Variants in ARL6IP6 observed in about 807,000 individuals in gnomAD.
ARL6IP6 encodes the protein ADP-ribosylation factor-like protein 6-interacting protein 6.
Under a neutral mutation model 21.5 loss-of-function variants are expected in ARL6IP6, and 22 were observed. That is an observed-to-expected ratio of 1.02 (90% CI 0.73 to 1.46). The LOEUF (loss-of-function observed/expected upper bound fraction) is 1.46. Ranked by LOEUF, ARL6IP6 falls within the 40% of genes most tolerant of loss-of-function variation. The pLI, the probability that ARL6IP6 is intolerant of heterozygous loss-of-function variation, is 0.00. For synonymous variants in ARL6IP6, 164 were observed against 125.3 expected (o/e 1.31, Z -2.06); for missense variants, 388 against 299.8 (o/e 1.29, Z -2.17).
At chr2:152,752,872 C>T (rs1250348809) in intron 3 of ARL6IP6, among the ~76,000 whole-genome samples, 1 of 152,100 alleles carries the variant, frequency 6.6e-6, no homozygotes, top group East Asian at 1.9e-4. Flanking sequence ...TTTAGGTTCC[C>T]TGCCCTAGAC....
chr2:152,730,914 C>T (rs1158786373), intron 2 of ARL6IP6, among the ~76,000 whole-genome samples: 1 of 152,216 alleles, frequency 6.6e-6, no homozygotes, highest in African/African-American at 2.4e-5. Context: ...AGTAGCACTA[C>T]TCCCTTTCCC....
At chr2:152,736,137 A>G (rs560038675) in intron 3 of ARL6IP6, among the ~76,000 whole-genome samples, 1 of 152,152 alleles carries the variant, frequency 6.6e-6, no homozygotes, top group Admixed American at 6.5e-5. Context: ...AATTTTAGTT[A>G]TGTGTTTTTG....
At chr2:152,720,491 A>T in intron 1 of ARL6IP6, 42 bp from the exon 2 acceptor site, 9 of 1,585,754 alleles carry the variant, frequency 5.7e-6, no homozygotes, top group Non-Finnish European at 7.8e-6. Context: ...TTTTCAAATT[A>T]TAGTATTGCT....
chr2:152,742,590 A>G, intron 3 of ARL6IP6, among the ~76,000 whole-genome samples: 1 of 151,746 alleles, frequency 6.6e-6, no homozygotes. Flanking sequence ...AAAAAAAAAA[A>G]AAAGAACTTT....
chr2:152,717,835 G>A, upstream of ARL6IP6: 1 of 1,111,220 alleles, frequency 9.0e-7, no homozygotes, highest in South Asian at 2.3e-5. Flanking sequence ...ACAAACCTGA[G>A]GCCGCCAGGG....
chr2:152,761,169 TA>T lies in ARL6IP6; in HGVS notation c.*1333del, dbSNP rs1701827018. The T allele has an allele frequency of 6.6e-6, 1 of 152,200 alleles. No homozygotes were observed. The highest frequency in any genetic ancestry group is 1.5e-5 in the Non-Finnish European group (1 of 68,036). 9.4% of individuals were successfully genotyped at this position (152,200 alleles called of 1,614,324 possible). A position where few individuals can be genotyped will look rare whatever the true frequency, so the allele number is the denominator to read the frequency against. On this transcript the variant is annotated 3_prime_UTR_variant, in exon 4 of 4. Coordinates refer to ENST00000326446, the MANE Select transcript of ARL6IP6 (RefSeq NM_152522.7). ...GTTGTTACCGACTAAACAAGGTTTC[TA>T]AAAGTCTCGCATTTCTTTTACTATT...
At position 152,731,770 on chromosome 2, in the gene ARL6IP6, T is replaced by C. The variant is rs557205096; in HGVS notation, c.455-3224T>C. 3.3e-5 allele frequency among the ~76,000 whole-genome samples: 5 copies of C among 152,290 alleles called. No homozygotes were observed. In the South Asian group the frequency reaches 1.0e-3, roughly 32 times the overall value. On this transcript the variant is annotated intron_variant, in intron 2 of 3. Coordinates refer to ENST00000326446, the MANE Select transcript of ARL6IP6 (RefSeq NM_152522.7). ...TCCTCAGAGAACCAATGTTAAATTC[T>C]TACATCCTTCCAGAAATTTTTTAAA...
chr2:152,721,408 G>C (rs926187140), intron 2 of ARL6IP6, among the ~76,000 whole-genome samples: 1 of 151,782 alleles, frequency 6.6e-6, no homozygotes, highest in African/African-American at 2.4e-5. Flanking sequence ...AGGAGAGTCA[G>C]ACCTCAGTTT....
upstream of ARL6IP6, chr2:152,717,699 A>G (rs1699191527): frequency 2.2e-6 from 3 of 1,385,510 alleles, no homozygotes; most frequent in Non-Finnish European, 2.8e-6. Context: ...AACTCTACCA[A>G]CTTCCCCAGG....
chr2:152,762,045 A>G lies in ARL6IP6; in HGVS notation c.*2205A>G, dbSNP rs1169390949. 1.3e-5 allele frequency among the ~76,000 whole-genome samples: 2 copies of G among 152,174 alleles called. No homozygotes were observed. Among genetic ancestry groups the G allele is most frequent in the Non-Finnish European group, 2.9e-5 (2 of 68,028 alleles). On this transcript the variant is annotated 3_prime_UTR_variant, in exon 4 of 4. Transcript: ENST00000326446. Reference sequence around the variant, plus strand: ...CTCTCTCCAGTCTGACACAGGGTCCAAATATAAATCATCTATATGCAGAAT... The same window carrying G: ...CTCTCTCCAGTCTGACACAGGGTCCGAATATAAATCATCTATATGCAGAAT...
intron 3 of ARL6IP6, among the ~76,000 whole-genome samples, chr2:152,747,223 T>A (rs1237479432): frequency 1.3e-5 from 2 of 152,226 alleles, no homozygotes; most frequent in Admixed American, 6.5e-5. Flanking sequence ...GAATTAGATT[T>A]TCTGGTAGGT....
At chr2:152,720,437 G>A in intron 1 of ARL6IP6, 96 bp from the exon 2 acceptor site, 1 of 1,207,982 alleles carries the variant, frequency 8.3e-7, no homozygotes, top group Non-Finnish European at 1.2e-6. Context: ...TGACTCCAGA[G>A]CACTTTCCAC....
chr2:152,727,112 AG>A (rs1448448243), intron 2 of ARL6IP6, among the ~76,000 whole-genome samples: 1 of 152,190 alleles, frequency 6.6e-6, no homozygotes, highest in Non-Finnish European at 1.5e-5. Flanking sequence ...AGGAGATGAC[AG>A]TTTCATGCAT....
chr2:152,728,786 C>T (rs1158659297), intron 2 of ARL6IP6, among the ~76,000 whole-genome samples: 1 of 152,134 alleles, frequency 6.6e-6, no homozygotes, highest in Non-Finnish European at 1.5e-5. Context: ...ATTGGCCAGA[C>T]GTGGTGGCGT....
intron 1 of ARL6IP6, among the ~76,000 whole-genome samples, chr2:152,719,650 G>A (rs905467791): frequency 6.6e-6 from 1 of 151,302 alleles, no homozygotes; most frequent in Admixed American, 6.6e-5. Flanking sequence ...CAAGGCATAC[G>A]GTTGTATAAT....
At chr2:152,717,910 C>T (rs898907811), upstream of ARL6IP6, 24 of 998,690 alleles carry the variant, frequency 2.4e-5, no homozygotes, top group Middle Eastern at 5.1e-4. Context: ...CGAATGCGCG[C>T]GCGCGGTGCT....
At chr2:152,735,150 C>G (rs769925257) in intron 3 of ARL6IP6, 24 bp downstream of exon 3, 1 of 1,611,106 alleles carries the variant, frequency 6.2e-7, no homozygotes, top group Non-Finnish European at 8.5e-7. Context: ...TTTCCTGTTT[C>G]TTTTTTAAAT....
chr2:152,759,582 C>G (rs1346785310), intron 3 of ARL6IP6, among the ~76,000 whole-genome samples, 165 bp from the exon 4 acceptor site: 1 of 152,170 alleles, frequency 6.6e-6, no homozygotes, highest in Non-Finnish European at 1.5e-5. Flanking sequence ...GATCTATCCA[C>G]TATTTATCCT....
intron 2 of ARL6IP6, among the ~76,000 whole-genome samples, chr2:152,731,736 T>C (rs571537430): frequency 6.4e-4 from 97 of 152,286 alleles, no homozygotes; most frequent in African/African-American, 2.3e-3. Flanking sequence ...CCAACCACTC[T>C]TTCCTCCCTC....
Sources: gnomAD v4.1 joint callset for allele counts (sites outside exome capture counted in the v4.1 genomes callset) on GRCh38, gnomAD v4.1.1 for gene constraint, MANE v1.5 for transcripts, NCBI Gene and HGNC (gene_info 2026-07-23, HGNC 2026-07-21) for gene names.